Variants in JAG1 observed in about 807,000 individuals in gnomAD.
JAG1 encodes protein jagged-1.
Under a neutral mutation model 148.7 loss-of-function variants are expected in JAG1, and 23 were observed. The ratio of observed to expected loss-of-function variants is 0.15; its 90% CI spans 0.11 to 0.22. The LOEUF (loss-of-function observed/expected upper bound fraction) is 0.22, where lower values mean the gene tolerates loss of function less well. Ranked by LOEUF, JAG1 falls within the 10% of genes least tolerant of loss-of-function variation. JAG1 has a pLI of 1.00. For missense variants in JAG1, 1,054 were observed against 1,611.2 expected (o/e 0.65, Z 5.92); for synonymous variants, 572 against 598.3 (o/e 0.96, Z 0.64).
At position 10,672,777 on chromosome 20, in the gene JAG1, C is replaced by T; in HGVS notation, c.311G>A (p.Gly104Asp). 1.2e-6 allele frequency: 2 copies of T among 1,613,066 alleles called. No individual in the cohort carries two copies. The highest frequency in any genetic ancestry group is 1.7e-6 in the Non-Finnish European group (2 of 1,180,026). Residue 104 changes from glycine to aspartate, a missense_variant, in exon 2 of 26, where the codon GGC (glycine) becomes GAC (aspartate). Around this residue, in one of 6 missense-constraint regions of JAG1, gnomAD observed 151 missense variants for 211.1 expected, o/e 0.72. Coordinates refer to ENST00000254958, the MANE Select transcript of JAG1 (RefSeq NM_000214.3). ...GCTGGCCTTGAGGTTGAAGGTGTTG[C>T]CCCCGATGACAGGCGTGGACCCTGA... Reference protein sequence around the residue: ...FGSGSTPVIGGNTFNLKASRG... With the variant: ...FGSGSTPVIGDNTFNLKASRG...
chr20:10,659,316 C>T (rs1371962451), intron 3 of JAG1, among the ~76,000 whole-genome samples: 1 of 152,202 alleles, frequency 6.6e-6, no homozygotes, highest in Non-Finnish European at 1.5e-5. Context: ...TATATTTGTT[C>T]CTGTGAACAG....
At position 10,673,748 on chromosome 20, in the gene JAG1, A is replaced by C. The variant is rs2067515632; in HGVS notation, c.-218T>G. 1 of 247,070 alleles carries C rather than the reference A, an allele frequency of 4.0e-6. No homozygotes were observed. Among genetic ancestry groups the C allele is most frequent in the Non-Finnish European group, 7.6e-6 (1 of 131,736 alleles). The allele number at this position is 247,070 out of a possible 1,614,324, so 15.3% of individuals were successfully genotyped here. ...AAGGCAAAGAGCCCGGCCTCCTTTT[A>C]TTATTCTGATCGCTTCTTTGAGACG... is the stretch of plus-strand genomic sequence containing the variant. On this transcript the variant is annotated 5_prime_UTR_variant, in exon 1 of 26. Transcript: ENST00000254958. The surrounding 1 kb of genome is among the most constrained non-coding windows in gnomAD (Gnocchi z 4.7).
intron 3 of JAG1, among the ~76,000 whole-genome samples, chr20:10,659,858 A>T (rs2122626026): frequency 6.6e-6 from 1 of 152,302 alleles, no homozygotes; most frequent in Middle Eastern, 3.4e-3. Flanking sequence ...GAGGCCACTT[A>T]TCATCTAGTT....
chr20:10,665,595 G>C (rs962237409), intron 2 of JAG1, among the ~76,000 whole-genome samples: 5 of 152,170 alleles, frequency 3.3e-5, no homozygotes, highest in Non-Finnish European at 7.3e-5. Context: ...CTACTGATTT[G>C]AGGTAAGAGC....
At chr20:10,670,833 A>G (rs1898175297) in intron 2 of JAG1, among the ~76,000 whole-genome samples, 1 of 152,228 alleles carries the variant, frequency 6.6e-6, no homozygotes, top group Admixed American at 6.5e-5. Context: ...AAACCACAGA[A>G]GAGCACCAGC....
intron 24 of JAG1, 30 bp from the exon 25 acceptor site, chr20:10,640,963 CAG>C: frequency 6.2e-7 from 1 of 1,613,662 alleles, no homozygotes; most frequent in East Asian, 2.2e-5. Flanking sequence ...ACTTGAGAGT[CAG>C]AGGAATACTC....
At chr20:10,662,757 C>CA (rs1301442598) in intron 3 of JAG1, among the ~76,000 whole-genome samples, 2 of 152,260 alleles carry the variant, frequency 1.3e-5, no homozygotes, top group Admixed American at 6.5e-5. Flanking sequence ...CACACCCCCC[C>CA]ACGGCATTAC....
intron 3 of JAG1, among the ~76,000 whole-genome samples, chr20:10,662,753 C>T (rs756650561): frequency 5.9e-5 from 9 of 152,222 alleles, no homozygotes; most frequent in East Asian, 5.8e-4. Flanking sequence ...CACACACACC[C>T]CCCCACGGCA....
intron 8 of JAG1, chr20:10,650,874 C>T (rs975626679): frequency 6.0e-6 from 1 of 166,176 alleles, no homozygotes; most frequent in Non-Finnish European, 1.3e-5. Context: ...ATGACAACCT[C>T]GGAGATGGGA....
chr20:10,658,339 G>A, intron 4 of JAG1, 129 bp downstream of exon 4: 1 of 1,183,346 alleles, frequency 8.5e-7, no homozygotes, highest in Non-Finnish European at 1.2e-6. Context: ...TCTTCATACT[G>A]CAGGCCCAGA....
chr20:10,646,790 A>C, intron 14 of JAG1, 149 bp downstream of exon 14: 1 of 813,188 alleles, frequency 1.2e-6, no homozygotes, highest in African/African-American at 1.7e-5. Context: ...GTGCCACTGC[A>C]CTCTAGCCTG....
chr20:10,640,678 G>T (rs1374057072), intron 25 of JAG1, 105 bp downstream of exon 25: 10 of 1,225,124 alleles, frequency 8.2e-6, no homozygotes, highest in South Asian at 1.2e-5. Flanking sequence ...GAGCTCCTGC[G>T]AGGGTAGGGC....
intron 9 of JAG1, 132 bp downstream of exon 9, chr20:10,650,115 T>C (rs2067335602): frequency 1.4e-6 from 1 of 711,508 alleles, no homozygotes; most frequent in African/African-American, 1.7e-5. Context: ...TGCTAGACTC[T>C]TGATAATAAA....
intron 14 of JAG1, 133 bp downstream of exon 14, chr20:10,646,806 C>CA (rs2067312107): frequency 1.1e-6 from 1 of 915,994 alleles, no homozygotes; most frequent in African/African-American, 1.7e-5. Flanking sequence ...GCCTGGGCAA[C>CA]AACAGCGAAA....
At chr20:10,652,401 T>C (rs1478273588) in intron 6 of JAG1, 67 bp downstream of exon 6, 20 of 1,607,058 alleles carry the variant, frequency 1.2e-5, no homozygotes, top group Non-Finnish European at 1.6e-5. Context: ...GCCAATAAAA[T>C]TAGAAACCAA....
chr20:10,650,155 C>T, intron 9 of JAG1, 92 bp downstream of exon 9: 1 of 785,972 alleles, frequency 1.3e-6, no homozygotes, highest in East Asian at 2.6e-5. Context: ...AGTGTGAACT[C>T]ACACTGCCGG....
At position 10,647,917 on chromosome 20, in the gene JAG1, G is replaced by A. The variant is rs1402289930; in HGVS notation, c.1720+43C>T. On this transcript the variant is annotated intron_variant, in intron 13 of 25. Transcript: ENST00000254958. ...CAGTGGTAGTAAGTGGGGACAAAAG[G>A]AGCAAGTCTGGAGACAGCCAGGTCC... The A allele has an allele frequency of 3.7e-6, 6 of 1,609,556 alleles. No individual in the cohort carries two copies. In the African/African-American group the frequency reaches 6.7e-5, roughly 18 times the overall value.
intron 2 of JAG1, among the ~76,000 whole-genome samples, chr20:10,664,372 A>AC (rs2067437710): frequency 7.0e-5 from 9 of 127,732 alleles, no homozygotes; most frequent in African/African-American, 3.3e-4. Flanking sequence ...GTGCATGAGG[A>AC]AACACACACA....
chr20:10,646,594 T>C (rs996582545), intron 14 of JAG1, among the ~76,000 whole-genome samples: 3 of 151,590 alleles, frequency 2.0e-5, no homozygotes, highest in Non-Finnish European at 2.9e-5. Context: ...GGGTGGATCA[T>C]CTGAGGCTGG....
Sources: gnomAD v4.1 joint callset for allele counts (sites outside exome capture counted in the v4.1 genomes callset) on GRCh38, gnomAD v4.1.1 for gene constraint, gnomAD v4.1.1 regional missense constraint, Gnocchi (gnomAD v3.1) non-coding constraint, MANE v1.5 for transcripts, NCBI Gene and HGNC (gene_info 2026-07-23, HGNC 2026-07-21) for gene names.